MEIOSIN: variants seen among roughly 807,000 people sequenced by gnomAD.
The protein encoded by MEIOSIN is meiosis initiator protein.
A neutral mutation model predicts 23.4 loss-of-function variants in MEIOSIN; 18 were observed. The ratio of observed to expected loss-of-function variants is 0.77; its 90% CI spans 0.53 to 1.14. The LOEUF is 1.14. Among genes scored for constraint, MEIOSIN ranks in the 50% most tolerant of loss-of-function variants. MEIOSIN has a pLI of 0.00. For synonymous variants in MEIOSIN, 187 were observed against 100.6 expected (o/e 1.86, Z -5.14); for missense variants, 428 against 242.9 (o/e 1.76, Z -5.07).
intron 8 of MEIOSIN, 91 bp from the exon 9 acceptor site, chr19:45,757,086 C>T (rs1010669609): frequency 1.5e-6 from 1 of 650,460 alleles, no homozygotes; most frequent in East Asian, 2.7e-5. Context: ...CCAGCACTCC[C>T]CCAGGGGCCA....
intron 3 of MEIOSIN, among the ~76,000 whole-genome samples, chr19:45,744,788 A>G (rs1049718313): frequency 5.9e-5 from 9 of 152,062 alleles, no homozygotes; most frequent in Admixed American, 5.2e-4. Flanking sequence ...TAGGACCTTA[A>G]ACTTGATCCT....
chr19:45,761,072 C>T (rs561109798), intron 11 of MEIOSIN, among the ~76,000 whole-genome samples: 104 of 151,926 alleles, frequency 6.8e-4, no homozygotes, highest in African/African-American at 2.2e-3. Context: ...GACCCTCCCA[C>T]ACCACCATGC....
intron 4 of MEIOSIN, among the ~76,000 whole-genome samples, chr19:45,746,750 G>T (rs1259933765): frequency 6.6e-6 from 1 of 151,950 alleles, no homozygotes; most frequent in South Asian, 2.1e-4. Flanking sequence ...GAACCTGGGA[G>T]GCAGAGGTTG....
At chr19:45,759,950 T>C (rs899599435) in intron 11 of MEIOSIN, among the ~76,000 whole-genome samples, 1 of 151,920 alleles carries the variant, frequency 6.6e-6, no homozygotes, top group Non-Finnish European at 1.5e-5. Flanking sequence ...TACAGGTGCC[T>C]GTCACCACAC....
chr19:45,751,545 TG>T (rs994643233), intron 5 of MEIOSIN, among the ~76,000 whole-genome samples: 8 of 151,154 alleles, frequency 5.3e-5, no homozygotes, highest in Non-Finnish European at 1.0e-4. Flanking sequence ...GTTTTTTGTG[TG>T]TTTTTTGAGA....
chr19:45,751,251 AACAGAGCAAG>A (rs1968699032), intron 5 of MEIOSIN, among the ~76,000 whole-genome samples: 1 of 148,580 alleles, frequency 6.7e-6, no homozygotes, highest in African/African-American at 2.5e-5. Flanking sequence ...TAGCCTGGGC[AACAGAGCAAG>A]ACTGTGTCTC....
intron 3 of MEIOSIN, among the ~76,000 whole-genome samples, chr19:45,744,642 T>C (rs1968561021): frequency 6.6e-6 from 1 of 151,930 alleles, no homozygotes; most frequent in South Asian, 2.1e-4. Flanking sequence ...GAGTCTTACT[T>C]TGTCTCCCAG....
chr19:45,754,967 G>T (rs1968792881), intron 7 of MEIOSIN, among the ~76,000 whole-genome samples: 1 of 152,098 alleles, frequency 6.6e-6, no homozygotes, highest in African/African-American at 2.4e-5. Context: ...CAGAACCAGG[G>T]AGGAGGGCAG....
intron 13 of MEIOSIN, among the ~76,000 whole-genome samples, chr19:45,763,089 A>T (rs1460877942): frequency 2.0e-5 from 3 of 152,198 alleles, no homozygotes; most frequent in Admixed American, 2.0e-4. Context: ...GCCACAGTGG[A>T]AAACAGCTAG....
At chr19:45,742,271 G>A (rs1484659246) in intron 3 of MEIOSIN, among the ~76,000 whole-genome samples, 1 of 152,088 alleles carries the variant, frequency 6.6e-6, no homozygotes, top group Admixed American at 6.6e-5. Context: ...CCTCTGAAGT[G>A]CTGGGATTAC....
Position 45,750,911 on chromosome 19 carries a change from G to A in MEIOSIN, c.418+125G>A, listed in dbSNP as rs2146188665. 1.0e-5 allele frequency: 4 copies of A among 393,952 alleles called. No individual in the cohort carries two copies. In the East Asian group the frequency reaches 1.5e-4, roughly 15 times the overall value. The allele number at this position is 393,952 out of a possible 1,614,324, so 24.4% of individuals were successfully genotyped here. A position where few individuals can be genotyped will look rare whatever the true frequency, so the allele number is the denominator to read the frequency against. The stretch of plus-strand genomic sequence containing the variant: ...GGGGACAAAGAGAGATATGCAAGAT[G>A]CCTCAGAGAAGAGGGGCCTTGGAGC... On this transcript the variant is annotated intron_variant, in intron 5 of 14. Coordinates refer to ENST00000457052, the MANE Select transcript of MEIOSIN (RefSeq NM_001310124.2).
chr19:45,749,859 C>T (rs1180078500), intron 4 of MEIOSIN, among the ~76,000 whole-genome samples: 1 of 151,422 alleles, frequency 6.6e-6, no homozygotes. Context: ...AAAACATTAG[C>T]TGGGCCTGGT....
At chr19:45,735,546 G>C in intron 2 of MEIOSIN, 99 bp downstream of exon 2, 1 of 622,646 alleles carries the variant, frequency 1.6e-6, no homozygotes, top group Non-Finnish European at 2.9e-6. Flanking sequence ...TAGACTCTTT[G>C]CCAAACATTT....
intron 2 of MEIOSIN, among the ~76,000 whole-genome samples, chr19:45,738,504 A>C (rs898673303): frequency 6.6e-6 from 1 of 152,180 alleles, no homozygotes; most frequent in African/African-American, 2.4e-5. Flanking sequence ...GGTAATCCCA[A>C]GCTACTCAGG....
chr19:45,758,098 G>C (rs1968867088), intron 9 of MEIOSIN, among the ~76,000 whole-genome samples: 1 of 151,792 alleles, frequency 6.6e-6, no homozygotes, highest in South Asian at 2.1e-4. Flanking sequence ...CCCAGGATCA[G>C]GTGATTCTGT....
rs374595461 is a variant in MEIOSIN, at chr19:45,755,119, C to G, written c.802+395C>G. ...TCGAGGCTTTGAGGCCTCAAGTCAT[C>G]TCGTTCCTCTATTTGTTCATTCAGC... On this transcript the variant is annotated intron_variant, in intron 7 of 14. Coordinates refer to ENST00000457052, the MANE Select transcript of MEIOSIN (RefSeq NM_001310124.2). Among the ~76,000 whole-genome samples the G allele has an allele frequency of 4.2e-3, 635 of 151,748 alleles. 9 individuals are homozygous for G. Among genetic ancestry groups the G allele is most frequent in the African/African-American group, 0.014 (575 of 41,400 alleles).
intron 4 of MEIOSIN, among the ~76,000 whole-genome samples, chr19:45,748,205 G>T (rs1968630056): frequency 6.6e-6 from 1 of 152,058 alleles, no homozygotes; most frequent in Non-Finnish European, 1.5e-5. Flanking sequence ...AGCCTCCTGA[G>T]TGGCTGGGAC....
chr19:45,742,722 C>T (rs984431511), intron 3 of MEIOSIN, among the ~76,000 whole-genome samples: 3 of 151,702 alleles, frequency 2.0e-5, no homozygotes, highest in East Asian at 3.9e-4. Flanking sequence ...GGCGTAATCC[C>T]GGGAGGCGGA....
intron 7 of MEIOSIN, 39 bp downstream of exon 7, chr19:45,754,763 A>C (rs889700071): frequency 1.7e-5 from 12 of 700,972 alleles, no homozygotes; most frequent in Non-Finnish European, 2.3e-5. Flanking sequence ...GTCTTTCAGT[A>C]AGATGCCACT....
Sources: allele counts gnomAD v4.1 joint callset (sites outside exome capture counted in the v4.1 genomes callset), GRCh38; gene constraint gnomAD v4.1.1; transcripts MANE v1.5; gene names NCBI Gene and HGNC (gene_info 2026-07-23, HGNC 2026-07-21).